The following ERC2 variants were observed in gnomAD, a reference collection of about 807,000 sequenced individuals.
The protein encoded by ERC2 is ELKS/RAB6-interacting/CAST family member 2.
In ERC2, 42 loss-of-function variants were observed where a neutral mutation model predicts 114.8. The observed-to-expected ratio is 0.37, with a 90% CI of 0.29 to 0.47. The LOEUF is 0.47. Ranked by LOEUF, ERC2 falls within the 20% of genes least tolerant of loss-of-function variation. The pLI is 0.99. For synonymous variants in ERC2, 454 were observed against 425.5 expected, an observed-to-expected ratio of 1.07 and a Z score of -0.82; for missense variants, 939 against 1,150.7, an observed-to-expected ratio of 0.82 and a Z score of 2.66.
chr3:56,218,414 G>A (rs2150142003), intron 3 of ERC2, among the ~76,000 whole-genome samples: 1 of 152,324 alleles, frequency 6.6e-6, no homozygotes, highest in Non-Finnish European at 1.5e-5. Flanking sequence ...GGCCATCAGA[G>A]AAATGCAAAT....
At chr3:56,169,678 T>G (rs887723028) in intron 4 of ERC2, among the ~76,000 whole-genome samples, 1 of 152,170 alleles carries the variant, frequency 6.6e-6, no homozygotes, top group Non-Finnish European at 1.5e-5. Context: ...GTAAATTTTT[T>G]TCCAATAAAT....
At chr3:56,273,252 T>C (rs1406381157) in intron 3 of ERC2, among the ~76,000 whole-genome samples, 1 of 120,150 alleles carries the variant, frequency 8.3e-6, no homozygotes, top group Admixed American at 9.4e-5. Flanking sequence ...CTCCCACTTT[T>C]TTTTTCTTTC....
chr3:56,386,903 A>G (rs1337643883), intron 2 of ERC2, among the ~76,000 whole-genome samples: 1 of 152,196 alleles, frequency 6.6e-6, no homozygotes, highest in Non-Finnish European at 1.5e-5. Flanking sequence ...TTCCATATGA[A>G]CAGCATATAA....
intron 17 of ERC2, among the ~76,000 whole-genome samples, chr3:55,601,942 C>T (rs62251520): frequency 0.065 from 9,860 of 152,262 alleles, 378 homozygotes; most frequent in South Asian, 0.13. Context: ...AACCAGCATC[C>T]ACTGGGAACT....
intron 3 of ERC2, among the ~76,000 whole-genome samples, chr3:56,234,299 C>G (rs7621613): frequency 0.33 from 49,826 of 152,068 alleles, 9,823 homozygotes; most frequent in East Asian, 0.64. Context: ...AAGCAACTGC[C>G]TTAATAGCCA....
At chr3:55,545,540 G>A (rs1208012637) in intron 17 of ERC2, among the ~76,000 whole-genome samples, 2 of 152,228 alleles carry the variant, frequency 1.3e-5, no homozygotes, top group African/African-American at 4.8e-5. Flanking sequence ...GAACATCTCA[G>A]TAACTGAGGA....
chr3:55,968,077 T>G (rs192234183), intron 12 of ERC2, among the ~76,000 whole-genome samples: 39 of 152,352 alleles, frequency 2.6e-4, no homozygotes, highest in Non-Finnish European at 4.6e-4. Context: ...ACTTGTTGTT[T>G]CATAGTGAAC....
chr3:55,627,618 G>A (rs1033771292), intron 17 of ERC2, among the ~76,000 whole-genome samples: 1 of 152,174 alleles, frequency 6.6e-6, no homozygotes, highest in Admixed American at 6.5e-5. Context: ...TTAATGAGAA[G>A]ATGAGTGTCT....
intron 14 of ERC2, among the ~76,000 whole-genome samples, chr3:55,758,280 G>A (rs1047106679): frequency 2.0e-5 from 3 of 152,194 alleles, no homozygotes; most frequent in African/African-American, 2.4e-5. Flanking sequence ...CTGTGACTGA[G>A]GTAGTCTAGG....
At chr3:56,121,507 CTTAAG>C (rs1285919292) in intron 6 of ERC2, among the ~76,000 whole-genome samples, 1 of 152,090 alleles carries the variant, frequency 6.6e-6, no homozygotes, top group Admixed American at 6.5e-5. Flanking sequence ...ATCCTTATGA[CTTAAG>C]TTATTTAAGT....
chr3:56,466,443 G>C (rs1326871490), intron 1 of ERC2, among the ~76,000 whole-genome samples: 1 of 152,140 alleles, frequency 6.6e-6, no homozygotes. Flanking sequence ...ATCCACCCGT[G>C]AAAGTCTTGC....
At chr3:55,675,580 G>A (rs2061748410) in intron 17 of ERC2, among the ~76,000 whole-genome samples, 1 of 152,146 alleles carries the variant, frequency 6.6e-6, no homozygotes, top group African/African-American at 2.4e-5. Context: ...TTGGAAAGAG[G>A]TGGGGCTGGA....
In ERC2 at chr3:56,251,971, T is replaced by G. The variant is rs544410161; in HGVS notation, c.1074+44048A>C. ...GTAATTGAAGTAACTGGTCCTCAAT[T>G]GAAGTAATTGAAGTCCTGGTTCTCA... On this transcript the variant is annotated intron_variant, in intron 3 of 17. Transcript: ENST00000288221. Among the ~76,000 whole-genome samples, 7 of 152,304 alleles carry G rather than the reference T, an allele frequency of 4.6e-5. No homozygotes were observed. In the South Asian group the frequency reaches 1.5e-3, roughly 32 times the overall value.
intron 17 of ERC2, among the ~76,000 whole-genome samples, chr3:55,653,903 C>T (rs1296183014): frequency 6.6e-6 from 1 of 152,192 alleles, no homozygotes; most frequent in Non-Finnish European, 1.5e-5. Context: ...AATGCCCGCT[C>T]CATCTCATGG....
intron 14 of ERC2, among the ~76,000 whole-genome samples, chr3:55,835,733 G>C (rs1192087365): frequency 1.1e-4 from 17 of 152,188 alleles, no homozygotes. Flanking sequence ...ATTCAGTATA[G>C]TGTTGGAAGT....
intron 5 of ERC2, among the ~76,000 whole-genome samples, chr3:56,144,259 A>C (rs1229322341): frequency 6.6e-6 from 1 of 152,230 alleles, no homozygotes; most frequent in Non-Finnish European, 1.5e-5. Flanking sequence ...AAAAGTAAGA[A>C]GTTCTCTCTC....
At chr3:55,874,078 T>G (rs144426360) in intron 14 of ERC2, among the ~76,000 whole-genome samples, 491 of 152,364 alleles carry the variant, frequency 3.2e-3, no homozygotes, top group Non-Finnish European at 5.5e-3. Flanking sequence ...CAGTCTAGTG[T>G]GTTGCATTAG....
chr3:55,997,902 TTTTTTGTG>T (rs1559996547), intron 10 of ERC2, among the ~76,000 whole-genome samples: 79 of 50,170 alleles, frequency 1.6e-3, no homozygotes, highest in African/African-American at 4.6e-3. Context: ...TTTTTTTTTT[TTTTTTGTG>T]TGTGTGTGTG....
chr3:56,043,947 C>T (rs2075330036), intron 7 of ERC2, among the ~76,000 whole-genome samples: 1 of 152,140 alleles, frequency 6.6e-6, no homozygotes, highest in South Asian at 2.1e-4. Context: ...CACACACTGT[C>T]AATAAACAAA....
Sources: gnomAD v4.1 joint callset for allele counts (sites outside exome capture counted in the v4.1 genomes callset) on GRCh38, gnomAD v4.1.1 for gene constraint, MANE v1.5 for transcripts, NCBI Gene and HGNC (gene_info 2026-07-23, HGNC 2026-07-21) for gene names.